Variants in DRG1 observed in about 807,000 individuals in gnomAD.
The protein encoded by DRG1 is developmentally regulated GTP binding protein 1.
In DRG1, 19 loss-of-function variants were observed where a neutral mutation model predicts 38.8. That is an observed-to-expected ratio of 0.49 (90% CI 0.34 to 0.72). DRG1 has a LOEUF of 0.72. Among genes scored for constraint, DRG1 ranks in the 30% least tolerant of loss-of-function variants. The probability of loss-of-function intolerance (pLI) is 0.01; values close to 1 mark genes in which losing one functional copy is unlikely to be tolerated. For synonymous variants in DRG1, 167 were observed against 157.5 expected (o/e 1.06, Z -0.45); for missense variants, 299 against 444.8 (o/e 0.67, Z 2.95).
At chr22:31,424,561 C>T (rs1601533497) in intron 6 of DRG1, among the ~76,000 whole-genome samples, 2 of 135,720 alleles carry the variant, frequency 1.5e-5, no homozygotes, top group African/African-American at 2.7e-5. Flanking sequence ...TACAGTGGCG[C>T]GATCTTGGCT....
At position 31,420,124 on chromosome 22, in the gene DRG1, G is replaced by A. The variant is rs73396261; in HGVS notation, c.413-132G>A. 3,309 of 900,602 alleles carry A rather than the reference G, an allele frequency of 3.7e-3. 89 individuals carry two copies. The African/African-American group carries it at 0.049, about 13-fold the overall frequency. The allele number at this position is 900,602 out of a possible 1,614,324, so 55.8% of individuals were successfully genotyped here. A position where few individuals can be genotyped will look rare whatever the true frequency, so the allele number is the denominator to read the frequency against. On this transcript the variant is annotated intron_variant, in intron 4 of 8. Transcript: ENST00000331457. ...TCTTCTGTAGCTATAAGAACTTCAC[G>A]TATGCATGTATGTATTACAGAAAAA...
intron 4 of DRG1, among the ~76,000 whole-genome samples, chr22:31,418,973 G>A (rs1442886042): frequency 1.3e-5 from 2 of 152,026 alleles, no homozygotes; most frequent in Non-Finnish European, 1.5e-5. Context: ...GAGCCACTGC[G>A]CCGGCCAGTT....
chr22:31,429,361 G>A (rs1306478089), intron 8 of DRG1, among the ~76,000 whole-genome samples: 1 of 152,004 alleles, frequency 6.6e-6, no homozygotes, highest in Non-Finnish European at 1.5e-5. Context: ...CAGGTGATCT[G>A]CCTGCCTCGG....
At chr22:31,426,888 T>C (rs1370697232) in intron 7 of DRG1, 106 bp downstream of exon 7, 5 of 1,507,334 alleles carry the variant, frequency 3.3e-6, no homozygotes, top group African/African-American at 2.8e-5. Context: ...TTTGAAAATA[T>C]AAGTAAATTG....
chr22:31,421,910 A>G (rs1407550198), intron 5 of DRG1, among the ~76,000 whole-genome samples: 1 of 151,894 alleles, frequency 6.6e-6, no homozygotes, highest in African/African-American at 2.4e-5. Context: ...AGGTCAAGAG[A>G]TGGAGACCAT....
At chr22:31,426,523 A>G in intron 6 of DRG1, 92 bp from the exon 7 acceptor site, 1 of 1,129,138 alleles carries the variant, frequency 8.9e-7, no homozygotes. Context: ...TGGGAGCGCC[A>G]GTTGGGTCTG....
chr22:31,419,062 G>A (rs551862375), intron 4 of DRG1, among the ~76,000 whole-genome samples: 15 of 152,200 alleles, frequency 9.9e-5, no homozygotes, highest in Admixed American at 1.3e-4. Flanking sequence ...TGATCTTCTC[G>A]CTTCAGCCTC....
Position 31,434,040 on chromosome 22 carries a change from A to C in DRG1, c.*69A>C, listed in dbSNP as rs2050158281. 4.8e-6 allele frequency: 7 copies of C among 1,465,580 alleles called. No individual in the cohort carries two copies. The Admixed American group carries it at 1.3e-4, about 27-fold the overall frequency. 90.8% of individuals were successfully genotyped at this position (1,465,580 alleles called of 1,614,324 possible). A position where few individuals can be genotyped will look rare whatever the true frequency, so the allele number is the denominator to read the frequency against. ...TCCCCATGATCAAGCACCCTACCCC[A>C]GTTCTTTCTGGTTTTGGCAGTCACT... On this transcript the variant is annotated 3_prime_UTR_variant, in exon 9 of 9. Coordinates refer to ENST00000331457, the MANE Select transcript of DRG1 (RefSeq NM_004147.4).
intron 4 of DRG1, among the ~76,000 whole-genome samples, chr22:31,411,530 CTTTTTTTT>C (rs71319191): frequency 6.9e-5 from 9 of 129,808 alleles, no homozygotes; most frequent in Non-Finnish European, 1.1e-4. Context: ...TCTGTCTTTT[CTTTTTTTT>C]TTTTTTTTTG....
intron 4 of DRG1, among the ~76,000 whole-genome samples, chr22:31,416,884 A>AGCAAGATTCTGT (rs1236277580): frequency 3.8e-3 from 503 of 133,956 alleles, no homozygotes; most frequent in African/African-American, 0.013. Flanking sequence ...CCCTGGTGAC[A>AGCAAGATTCTGT]GCAAGATTCT....
At chr22:31,424,543 G>T (rs1175782588) in intron 6 of DRG1, among the ~76,000 whole-genome samples, 2 of 141,074 alleles carry the variant, frequency 1.4e-5, no homozygotes, top group African/African-American at 2.6e-5. Flanking sequence ...CTGTCACCTG[G>T]GCTGGAGTAC....
chr22:31,418,171 A>G (rs886555964), intron 4 of DRG1, among the ~76,000 whole-genome samples: 9 of 148,766 alleles, frequency 6.0e-5, no homozygotes. Context: ...GGTCAGGTGC[A>G]ATGGCTCATA....
At chr22:31,401,400 G>A (rs2049960129) in intron 2 of DRG1, among the ~76,000 whole-genome samples, 1 of 151,726 alleles carries the variant, frequency 6.6e-6, no homozygotes, top group Non-Finnish European at 1.5e-5. Context: ...CCAGCATGGT[G>A]AAACCCCATC....
chr22:31,399,776 G>A, intron 1 of DRG1, 51 bp downstream of exon 1: 1 of 1,613,466 alleles, frequency 6.2e-7, no homozygotes, highest in Non-Finnish European at 8.5e-7. Flanking sequence ...TCCTTCTTTG[G>A]TGGCGTCGCT....
At chr22:31,408,667 C>T (rs551749395) in intron 3 of DRG1, among the ~76,000 whole-genome samples, 3 of 149,122 alleles carry the variant, frequency 2.0e-5, no homozygotes, top group African/African-American at 4.9e-5. Context: ...GTGCGAGAAT[C>T]GCTTGAACCT....
intron 6 of DRG1, 120 bp from the exon 7 acceptor site, chr22:31,426,495 G>T: frequency 1.3e-6 from 1 of 785,328 alleles, no homozygotes; most frequent in South Asian, 2.1e-5. Context: ...TGGCTGATCT[G>T]CTACTTACAG....
chr22:31,431,904 T>A (rs2050141260), intron 8 of DRG1, among the ~76,000 whole-genome samples: 1 of 152,164 alleles, frequency 6.6e-6, no homozygotes, highest in Non-Finnish European at 1.5e-5. Context: ...TATATATAGC[T>A]CTTTCCTTCT....
chr22:31,403,879 A>G lies in DRG1; in HGVS notation c.342+675A>G, dbSNP rs1223119940. Among the ~76,000 whole-genome samples the G allele has an allele frequency of 6.6e-5, 10 of 152,108 alleles. No homozygotes were observed. In the South Asian group the frequency reaches 2.1e-3, roughly 32 times the overall value. Reference sequence around the variant, plus strand: ...GATCCCGTGTCCAAATGTATATAACAAGAATGAAGCAGTGTGGACATATCT... The same window carrying G: ...GATCCCGTGTCCAAATGTATATAACGAGAATGAAGCAGTGTGGACATATCT... On this transcript the variant is annotated intron_variant, in intron 3 of 8. Transcript: ENST00000331457.
intron 4 of DRG1, among the ~76,000 whole-genome samples, chr22:31,416,201 TG>T (rs1357993316): frequency 2.0e-5 from 3 of 152,010 alleles, no homozygotes; most frequent in Admixed American, 2.0e-4. Flanking sequence ...CACTTGAACC[TG>T]GGAGGCGGAG....
Sources: gnomAD v4.1 joint callset for allele counts (sites outside exome capture counted in the v4.1 genomes callset) on GRCh38, gnomAD v4.1.1 for gene constraint, MANE v1.5 for transcripts, NCBI Gene and HGNC (gene_info 2026-07-23, HGNC 2026-07-21) for gene names.